FBXO33: variants seen among roughly 807,000 people sequenced by gnomAD.
The protein encoded by FBXO33 is F-box protein 33, also known as F-box only protein 33.
In FBXO33, 22 loss-of-function variants were observed where a neutral mutation model predicts 46.3. The observed-to-expected ratio is 0.48, with a 90% CI of 0.34 to 0.68. The LOEUF (loss-of-function observed/expected upper bound fraction) is 0.68. Ranked by LOEUF, FBXO33 falls within the 30% of genes least tolerant of loss-of-function variation. FBXO33 has a pLI of 0.01. For missense variants in FBXO33, 692 were observed against 708.8 expected (o/e 0.98, Z 0.27); for synonymous variants, 337 against 291.3 (o/e 1.16, Z -1.60).
Position 39,432,335 on chromosome 14 carries a change from T to G in FBXO33, c.-173A>C. On this transcript the variant is annotated 5_prime_UTR_variant, in exon 1 of 4. Transcript: ENST00000298097. ...AGGCCGGCACACTGAGTAACTGCACTGCCCTCGCTCGTAAACTTCAGCGGC... is the reference window on the plus strand; with the variant it reads ...AGGCCGGCACACTGAGTAACTGCACGGCCCTCGCTCGTAAACTTCAGCGGC... 1 of 400,612 alleles carries G rather than the reference T, an allele frequency of 2.5e-6. No homozygotes were observed. The highest frequency in any genetic ancestry group is 4.0e-6 in the Non-Finnish European group (1 of 251,872). The allele number at this position is 400,612 out of a possible 1,614,324, so 24.8% of individuals were successfully genotyped here.
chr14:39,416,610 A>C (rs770805919), intron 1 of FBXO33, among the ~76,000 whole-genome samples: 5 of 151,936 alleles, frequency 3.3e-5, no homozygotes, highest in Non-Finnish European at 7.4e-5. Context: ...ATCGATTGTC[A>C]GCTGCTTATT....
chr14:39,430,367 C>T (rs1302773282), intron 1 of FBXO33, among the ~76,000 whole-genome samples: 1 of 152,100 alleles, frequency 6.6e-6, no homozygotes, highest in African/African-American at 2.4e-5. Flanking sequence ...AGATTAATGG[C>T]GCATACATAT....
intron 3 of FBXO33, among the ~76,000 whole-genome samples, chr14:39,400,239 A>ACTT (rs2075362572): frequency 6.6e-6 from 1 of 152,248 alleles, no homozygotes. Flanking sequence ...ATGTAGTGAC[A>ACTT]CTTTAAAGGT....
Position 39,399,449 on chromosome 14 carries a change from C to T in FBXO33, c.*67G>A, listed in dbSNP as rs1433752736. ...AGCACAAAAGGATTAATTCACACTA[C>T]TGAAAAAAAAACATAATAGGACCCT... On this transcript the variant is annotated 3_prime_UTR_variant, in exon 4 of 4. Transcript: ENST00000298097. 1 of 1,410,022 alleles carries T rather than the reference C, an allele frequency of 7.1e-7. No individual in the cohort carries two copies. The allele number at this position is 1,410,022 out of a possible 1,614,324, so 87.3% of individuals were successfully genotyped here. A position where few individuals can be genotyped will look rare whatever the true frequency, so the allele number is the denominator to read the frequency against.
chr14:39,401,877 A>G lies in FBXO33; in HGVS notation c.711-16T>C. 6.3e-7 allele frequency: 1 copy of G among 1,577,796 alleles called. No individual in the cohort carries two copies. Among genetic ancestry groups the G allele is most frequent in the Non-Finnish European group, 8.6e-7 (1 of 1,157,770 alleles). ...TTGCTGAATTCTATAAGGAAAACACATGCCACAGTGATCCCATTAACATTT... is the reference window on the plus strand; with the variant it reads ...TTGCTGAATTCTATAAGGAAAACACGTGCCACAGTGATCCCATTAACATTT... On this transcript the variant is annotated splice_polypyrimidine_tract_variant and intron_variant, in intron 2 of 3. Coordinates refer to ENST00000298097, the MANE Select transcript of FBXO33 (RefSeq NM_203301.4).
At position 39,399,578 on chromosome 14, in the gene FBXO33, C is replaced by T. The variant is rs1438372517; in HGVS notation, c.1606G>A (p.Val536Ile). Residue 536 changes from valine (V) to isoleucine (I), a missense_variant, in exon 4 of 4, where the codon GTC becomes ATC. This residue lies in a region of FBXO33 where 94 missense variants were observed against 91.9 expected (regional missense o/e 1.02). Coordinates refer to ENST00000298097, the MANE Select transcript of FBXO33 (RefSeq NM_203301.4). ...AAATGACGATTTGGTTCAGTGAAGA[C>T]ACTGAGTGATTCGATGTCCATGACT... is the stretch of plus-strand genomic sequence containing the variant. ...HAVMDIESLS[V>I]FTEPNRHFYR... The T allele has an allele frequency of 1.2e-6, 2 of 1,613,440 alleles. No individual in the cohort carries two copies. The highest frequency in any genetic ancestry group is 1.7e-6 in the Non-Finnish European group (2 of 1,179,692).
chr14:39,427,767 T>C (rs912984239), intron 1 of FBXO33, among the ~76,000 whole-genome samples: 8 of 152,176 alleles, frequency 5.3e-5, no homozygotes, highest in Admixed American at 3.9e-4. Context: ...AGTGAGATCC[T>C]GTCTTTACAC....
intron 1 of FBXO33, among the ~76,000 whole-genome samples, chr14:39,415,485 G>GT (rs1298966551): frequency 1.3e-5 from 2 of 152,158 alleles, no homozygotes; most frequent in African/African-American, 4.8e-5. Flanking sequence ...AGGTATGCCT[G>GT]TATGTGTTTT....
chr14:39,418,602 C>T (rs1198975120), intron 1 of FBXO33, among the ~76,000 whole-genome samples: 4 of 150,322 alleles, frequency 2.7e-5, no homozygotes, highest in Admixed American at 6.6e-5. Context: ...GGTGAAACCC[C>T]GTCTCTACTA....
intron 1 of FBXO33, among the ~76,000 whole-genome samples, chr14:39,409,123 T>G (rs1042640902): frequency 6.6e-5 from 10 of 152,154 alleles, no homozygotes; most frequent in African/African-American, 2.2e-4. Flanking sequence ...TTGGTTCTGT[T>G]GCCTTTGTTT....
chr14:39,418,894 T>C (rs2075464581), intron 1 of FBXO33, among the ~76,000 whole-genome samples: 1 of 152,172 alleles, frequency 6.6e-6, no homozygotes, highest in Non-Finnish European at 1.5e-5. Context: ...TCTACCAATG[T>C]TAGAAATATG....
chr14:39,412,358 T>C (rs1352779924), intron 1 of FBXO33, among the ~76,000 whole-genome samples: 2 of 152,204 alleles, frequency 1.3e-5, no homozygotes, highest in Non-Finnish European at 2.9e-5. Context: ...TTCTAAGATA[T>C]AAGTATAGAC....
intron 3 of FBXO33, 131 bp from the exon 4 acceptor site, chr14:39,399,918 T>C: frequency 9.6e-7 from 1 of 1,042,914 alleles, no homozygotes; most frequent in Non-Finnish European, 1.3e-6. Flanking sequence ...TTTTGGTCTT[T>C]TTCCTTTAGA....
Position 39,401,733 on chromosome 14 carries a change from A to G in FBXO33, c.839T>C (p.Met280Thr), listed in dbSNP as rs922362702. ...SSLSNAVANT[M>T]EHLSLLDNNI... ...ATTGTCCAGTAAACTGAGGTGCTCC[A>G]TGGTGTTGGCAACAGCATTAGAGAG... Residue 280 changes from methionine (M) to threonine (T), a missense_variant, in exon 3 of 4, where the codon ATG becomes ACG. This residue lies in a region of FBXO33 where 412 missense variants were observed against 370.8 expected (regional missense o/e 1.11). Transcript: ENST00000298097. The G allele has an allele frequency of 6.2e-7, 1 of 1,614,224 alleles. No homozygotes were observed. The highest frequency in any genetic ancestry group is 2.2e-5 in the East Asian group (1 of 44,888).
intron 1 of FBXO33, 51 bp from the exon 2 acceptor site, chr14:39,402,562 A>C (rs2075373623): frequency 1.2e-6 from 1 of 863,766 alleles, no homozygotes; most frequent in South Asian, 3.4e-5. Flanking sequence ...ATACTTAAAA[A>C]ATATAAATAT....
rs113494003 is a variant in FBXO33, at chr14:39,401,103, G to A, written c.1396+73C>T. The A allele has an allele frequency of 2.6e-3, 3,514 of 1,334,426 alleles. 78 individuals are homozygous for A. The African/African-American group carries it at 0.046, about 17-fold the overall frequency. The allele number at this position is 1,334,426 out of a possible 1,614,324, so 82.7% of individuals were successfully genotyped here. A position where few individuals can be genotyped will look rare whatever the true frequency, so the allele number is the denominator to read the frequency against. On this transcript the variant is annotated intron_variant, in intron 3 of 3. Coordinates refer to ENST00000298097, the MANE Select transcript of FBXO33 (RefSeq NM_203301.4). The stretch of plus-strand genomic sequence containing the variant: ...ATTTCTTGATACTATAAAGGTCAGT[G>A]CTATCTCTTTACTGGCAGAAAATGT...
At chr14:39,416,201 C>A (rs771994075) in intron 1 of FBXO33, among the ~76,000 whole-genome samples, 6 of 151,800 alleles carry the variant, frequency 4.0e-5, no homozygotes, top group Non-Finnish European at 7.4e-5. Flanking sequence ...CTGGTAAAAT[C>A]TTTCACTCCA....
chr14:39,410,897 T>C (rs1245960591), intron 1 of FBXO33, among the ~76,000 whole-genome samples: 5 of 152,276 alleles, frequency 3.3e-5, no homozygotes, highest in African/African-American at 1.2e-4. Context: ...CGAGTCTTTT[T>C]TCTTACTCTA....
At chr14:39,419,180 C>A (rs1331343348) in intron 1 of FBXO33, among the ~76,000 whole-genome samples, 1 of 152,092 alleles carries the variant, frequency 6.6e-6, no homozygotes, top group South Asian at 2.1e-4. Flanking sequence ...TTGTAATTAA[C>A]CCAGGTGTTT....
Sources: gnomAD v4.1 joint callset for allele counts (sites outside exome capture counted in the v4.1 genomes callset) on GRCh38, gnomAD v4.1.1 for gene constraint, gnomAD v4.1.1 regional missense constraint, MANE v1.5 for transcripts, NCBI Gene and HGNC (gene_info 2026-07-23, HGNC 2026-07-21) for gene names.